IQCH: variants seen among roughly 807,000 people sequenced by gnomAD.
The protein encoded by IQCH is IQ motif containing H.
Under a neutral mutation model 117.0 loss-of-function variants are expected in IQCH, and 98 were observed. The observed-to-expected ratio is 0.84, with a 90% CI of 0.71 to 0.99. The LOEUF is 0.99. Ranked by LOEUF, IQCH falls within the 50% of genes least tolerant of loss-of-function variation. The probability of loss-of-function intolerance (pLI) is 0.00; values close to 1 mark genes in which losing one functional copy is unlikely to be tolerated. For synonymous variants in IQCH, 412 were observed against 448.2 expected (o/e 0.92, Z 1.02); for missense variants, 1,102 against 1,243.8 (o/e 0.89, Z 1.72).
Position 67,457,694 on chromosome 15 carries a change from G to T in IQCH, c.2506-7433G>T, listed in dbSNP as rs994271866. Among the ~76,000 whole-genome samples the T allele has an allele frequency of 6.6e-6, 1 of 152,156 alleles. No homozygotes were observed. The highest frequency in any genetic ancestry group is 1.5e-5 in the Non-Finnish European group (1 of 68,044). On this transcript the variant is annotated intron_variant, in intron 16 of 20. Transcript: ENST00000335894. This position sits in a 1 kb window ranked among gnomAD's most constrained non-coding sequence, Gnocchi z 5.7. Reference sequence around the variant, plus strand: ...AGATCCCATCAGGCCTATATTAATAGACAAGGAAATAGGCCCAGAGAGGGG... The same window carrying T: ...AGATCCCATCAGGCCTATATTAATATACAAGGAAATAGGCCCAGAGAGGGG...
At chr15:67,265,006 C>T (rs1965613062) in intron 3 of IQCH, among the ~76,000 whole-genome samples, 1 of 152,170 alleles carries the variant, frequency 6.6e-6, no homozygotes, top group African/African-American at 2.4e-5. Flanking sequence ...ATCAAGCATA[C>T]AAGCAGCAAG....
chr15:67,397,798 T>G (rs1175370972), intron 13 of IQCH, among the ~76,000 whole-genome samples: 1 of 152,194 alleles, frequency 6.6e-6, no homozygotes, highest in Admixed American at 6.5e-5. Context: ...GATAAACATT[T>G]GGAAATAGCA....
chr15:67,394,498 C>T (rs1971394001), intron 12 of IQCH, among the ~76,000 whole-genome samples: 1 of 152,106 alleles, frequency 6.6e-6, no homozygotes, highest in African/African-American at 2.4e-5. Flanking sequence ...TATGTGTTAA[C>T]TGTTATTTGT....
At chr15:67,286,685 C>G (rs1255828426) in intron 4 of IQCH, among the ~76,000 whole-genome samples, 1 of 152,050 alleles carries the variant, frequency 6.6e-6, no homozygotes, top group Non-Finnish European at 1.5e-5. Flanking sequence ...TTCGGGCTTA[C>G]TGTCACCTCT....
chr15:67,500,812 G>C lies in IQCH; in HGVS notation c.*66G>C, dbSNP rs2083960998. The C allele has an allele frequency of 1.3e-6, 1 of 771,338 alleles. No homozygotes were observed. Among genetic ancestry groups the C allele is most frequent in the Non-Finnish European group, 2.1e-6 (1 of 486,502 alleles). The allele number at this position is 771,338 out of a possible 1,614,324, so 47.8% of individuals were successfully genotyped here. Reference sequence around the variant, plus strand: ...AATAAAAAGGGCAATTTTTTTTTCTGTTAGAAATAAAAGCCAGGGGAAATT... The same window carrying C: ...AATAAAAAGGGCAATTTTTTTTTCTCTTAGAAATAAAAGCCAGGGGAAATT... On this transcript the variant is annotated 3_prime_UTR_variant, in exon 21 of 21. Coordinates refer to ENST00000335894, the MANE Select transcript of IQCH (RefSeq NM_001031715.3). This position sits in a 1 kb window ranked among gnomAD's most constrained non-coding sequence, Gnocchi z 4.4.
chr15:67,351,554 G>A (rs986542767), intron 6 of IQCH, among the ~76,000 whole-genome samples: 1 of 152,156 alleles, frequency 6.6e-6, no homozygotes, highest in Non-Finnish European at 1.5e-5. Flanking sequence ...TGGGGTAGGC[G>A]AACATTCAAC....
At chr15:67,497,830 A>G (rs2083865163) in intron 20 of IQCH, among the ~76,000 whole-genome samples, 1 of 152,172 alleles carries the variant, frequency 6.6e-6, no homozygotes, top group South Asian at 2.1e-4. Context: ...TTGCAGTGAA[A>G]ACTATAAGAC....
chr15:67,275,269 GA>G lies in IQCH; in HGVS notation c.270-4123del, dbSNP rs1376823515. 3.3e-5 allele frequency among the ~76,000 whole-genome samples: 5 copies of G among 152,310 alleles called. No homozygotes were observed. The East Asian group carries it at 9.7e-4, about 29-fold the overall frequency. On this transcript the variant is annotated intron_variant, in intron 3 of 20. Transcript: ENST00000335894. ...GATCTCACTTTAGAATTCTAGTGAA[GA>G]AACCATGAGTTGGGAGAAATATTTT... is the stretch of plus-strand genomic sequence containing the variant.
rs531642035 is a variant in IQCH at position 67,326,174 on chromosome 15, T to C, written c.388-10801T>C. On this transcript the variant is annotated intron_variant, in intron 4 of 20. Coordinates refer to ENST00000335894, the MANE Select transcript of IQCH (RefSeq NM_001031715.3). ...ATGTTCCCCTTCCTGTGTCCAAGTGTTCTCATTGTTCAATTCCCACCTGTG... is the reference window on the plus strand; with the variant it reads ...ATGTTCCCCTTCCTGTGTCCAAGTGCTCTCATTGTTCAATTCCCACCTGTG... 2.0e-4 allele frequency among the ~76,000 whole-genome samples: 31 copies of C among 152,242 alleles called. 1 individual carries two copies. In the South Asian group the frequency reaches 6.2e-3, roughly 31 times the overall value.
At chr15:67,320,635 C>T (rs1334992691) in intron 4 of IQCH, among the ~76,000 whole-genome samples, 1 of 152,142 alleles carries the variant, frequency 6.6e-6, no homozygotes, top group Non-Finnish European at 1.5e-5. Flanking sequence ...GTGTCTCAAG[C>T]TCCTTCGAAG....
chr15:67,383,948 A>G (rs1971025253), intron 10 of IQCH, among the ~76,000 whole-genome samples: 1 of 152,138 alleles, frequency 6.6e-6, no homozygotes, highest in South Asian at 2.1e-4. Flanking sequence ...CTGAAGCCCC[A>G]TTGCCTGAAT....
At position 67,478,451 on chromosome 15, in the gene IQCH, C is replaced by G. The variant is rs114941504; in HGVS notation, c.2799+2633C>G. On this transcript the variant is annotated intron_variant, in intron 18 of 20. Transcript: ENST00000335894. ...CAGCAGAGTTCCATAGACTCACCTCCAGGCCATCCATGCACAACTTAAAAA... is the reference window on the plus strand; with the variant it reads ...CAGCAGAGTTCCATAGACTCACCTCGAGGCCATCCATGCACAACTTAAAAA... Among the ~76,000 whole-genome samples, 1,218 of 152,016 alleles carry G rather than the reference C, an allele frequency of 8.0e-3. 17 individuals are homozygous for G. The highest frequency in any genetic ancestry group is 0.026 in the African/African-American group (1,078 of 41,466).
rs763120253 is a variant in IQCH at position 67,372,672 on chromosome 15, G to T, written c.1305+10G>T. ...TCGCATTCGAGCCAAGGTGCACAAG[G>T]CTGCCAGCTGTTAAGGCAGACCTCT... is the stretch of plus-strand genomic sequence containing the variant. On this transcript the variant is annotated intron_variant, in intron 9 of 20. Coordinates refer to ENST00000335894, the MANE Select transcript of IQCH (RefSeq NM_001031715.3). 3 of 1,587,550 alleles carry T rather than the reference G, an allele frequency of 1.9e-6. No individual in the cohort carries two copies. The highest frequency in any genetic ancestry group is 3.4e-4 in the Middle Eastern group (2 of 5,910).
At chr15:67,392,776 C>T (rs1971329437) in intron 12 of IQCH, among the ~76,000 whole-genome samples, 1 of 96,738 alleles carries the variant, frequency 1.0e-5, no homozygotes, top group Non-Finnish European at 2.0e-5. Flanking sequence ...GACTCTGTCC[C>T]TGCTTCCACA....
At chr15:67,316,839 A>G (rs1967871709) in intron 4 of IQCH, among the ~76,000 whole-genome samples, 1 of 152,100 alleles carries the variant, frequency 6.6e-6, no homozygotes, top group Non-Finnish European at 1.5e-5. Context: ...TTTCTATACT[A>G]CCTTCCAGGT....
intron 4 of IQCH, among the ~76,000 whole-genome samples, chr15:67,296,543 T>C (rs1966853656): frequency 6.6e-6 from 1 of 152,014 alleles, no homozygotes; most frequent in South Asian, 2.1e-4. Flanking sequence ...ATGCAGAAGA[T>C]GGATTGGAAG....
At chr15:67,449,812 G>A (rs2140986950) in intron 16 of IQCH, among the ~76,000 whole-genome samples, 1 of 152,222 alleles carries the variant, frequency 6.6e-6, no homozygotes, top group African/African-American at 2.4e-5. Context: ...AAATTACCTT[G>A]GGCAGTATGG....
In IQCH at chr15:67,337,050, C is replaced by T. The variant is rs1419331570; in HGVS notation, c.463C>T (p.Pro155Ser). Residue 155 changes from proline to serine, a missense_variant, in exon 5 of 21, where the codon CCC (proline) becomes TCC (serine). Pro to Ser is a moderately conservative substitution (Grantham distance 74). This residue lies in a region of IQCH where 452 missense variants were observed against 449.6 expected (regional missense o/e 1.01). Coordinates refer to ENST00000335894, the MANE Select transcript of IQCH (RefSeq NM_001031715.3). The part of the protein sequence containing the change: ...TVLPSSHCTD[P>S]YFTPIPVLQA... The stretch of plus-strand genomic sequence containing the variant: ...TCTGCCATCTTCTCATTGCACAGAT[C>T]CCTATTTCACTCCTATACCAGTCTT... 2 of 1,613,424 alleles carry T rather than the reference C, an allele frequency of 1.2e-6. No homozygotes were observed. Among genetic ancestry groups the T allele is most frequent in the African/African-American group, 1.3e-5 (1 of 74,824 alleles).
At chr15:67,271,057 C>T (rs1965877299) in intron 3 of IQCH, among the ~76,000 whole-genome samples, 1 of 152,208 alleles carries the variant, frequency 6.6e-6, no homozygotes, top group South Asian at 2.1e-4. Flanking sequence ...CAACCTCCAC[C>T]TTCTGGATTC....
Sources: gnomAD v4.1 joint callset for allele counts (sites outside exome capture counted in the v4.1 genomes callset) on GRCh38, gnomAD v4.1.1 for gene constraint, gnomAD v4.1.1 regional missense constraint, Gnocchi (gnomAD v3.1) non-coding constraint, MANE v1.5 for transcripts, NCBI Gene and HGNC (gene_info 2026-07-23, HGNC 2026-07-21) for gene names.